RGS6: variants seen among roughly 807,000 people sequenced by gnomAD.
The protein encoded by RGS6 is regulator of G-protein signaling 6.
A neutral mutation model predicts 78.5 loss-of-function variants in RGS6; 30 were observed. The ratio of observed to expected loss-of-function variants is 0.38; its 90% confidence interval spans 0.29 to 0.52. The LOEUF (loss-of-function observed/expected upper bound fraction) is 0.52. RGS6 is among the 20% of genes least tolerant of loss of function. The pLI is 0.85. For synonymous variants in RGS6, 206 were observed against 206.0 expected (o/e 1.00, Z 0.00); for missense variants, 495 against 609.7 (o/e 0.81, Z 1.98).
intron 2 of RGS6, among the ~76,000 whole-genome samples, chr14:72,200,961 T>TAG (rs1491235439): frequency 1.6e-5 from 2 of 121,632 alleles, no homozygotes; most frequent in South Asian, 2.9e-4. Flanking sequence ...GTGCTCTGCT[T>TAG]AAAAAAAAAA....
rs1432388694 is a variant in RGS6, at chr14:72,274,946, G to T, written c.85-77149G>T. 3.3e-5 allele frequency among the ~76,000 whole-genome samples: 5 copies of T among 152,192 alleles called. No homozygotes were observed. The East Asian group carries it at 7.7e-4, about 23-fold the overall frequency. On this transcript the variant is annotated intron_variant, in intron 2 of 17. Coordinates refer to ENST00000553525, the MANE Select transcript of RGS6 (RefSeq NM_001204424.2). Reference sequence around the variant, plus strand: ...CAGTTTATCTTATTCCTTTACTCATGATCAACTACTTTGGGGTTAACGAAC... The same window carrying T: ...CAGTTTATCTTATTCCTTTACTCATTATCAACTACTTTGGGGTTAACGAAC...
At chr14:72,612,582 G>C in the RGS6 span, 21 of 456,566 alleles carry the variant, frequency 4.6e-5, no homozygotes, top group Non-Finnish European at 8.3e-5. Flanking sequence ...AGGGAAGGGA[G>C]GAAACAGTGC....
At chr14:72,607,492 C>G in the RGS6 span, among the ~76,000 whole-genome samples, 2 of 152,218 alleles carry the variant, frequency 1.3e-5, no homozygotes, top group African/African-American at 4.8e-5. Flanking sequence ...CCCAAAGTCC[C>G]TGCTTCTAAT....
chr14:72,238,192 G>C (rs368406011), intron 2 of RGS6, among the ~76,000 whole-genome samples: 2 of 152,176 alleles, frequency 1.3e-5, no homozygotes, highest in African/African-American at 4.8e-5. Flanking sequence ...TTATAGTTTC[G>C]GACACTCAGT....
Position 72,009,432 on chromosome 14 carries a change from A to G in RGS6, c.84+44557A>G, listed in dbSNP as rs556961135. On this transcript the variant is annotated intron_variant, in intron 2 of 17. Coordinates refer to ENST00000553525, the MANE Select transcript of RGS6 (RefSeq NM_001204424.2). The stretch of plus-strand genomic sequence containing the variant: ...TGGTAGACAGCATTTTCCACTTGTC[A>G]CAATACGATGCTGGAGGAATTAAGC... Among the ~76,000 whole-genome samples, 130 of 152,344 alleles carry G rather than the reference A, an allele frequency of 8.5e-4. 1 individual carries two copies. Among genetic ancestry groups the G allele is most frequent in the African/African-American group, 3.0e-3 (124 of 41,588 alleles).
chr14:72,388,275 T>A (rs1272982220), intron 3 of RGS6, among the ~76,000 whole-genome samples: 1 of 152,188 alleles, frequency 6.6e-6, no homozygotes, highest in Non-Finnish European at 1.5e-5. Context: ...TATACACATA[T>A]ATATACACAT....
intron 2 of RGS6, among the ~76,000 whole-genome samples, chr14:72,260,714 T>C (rs1278578242): frequency 6.6e-6 from 1 of 152,140 alleles, no homozygotes; most frequent in African/African-American, 2.4e-5. Flanking sequence ...CCTGCGGAGC[T>C]CTCTCCAGGC....
intron 17 of RGS6, chr14:72,540,943 C>A (rs2097317379): frequency 1.0e-6 from 1 of 985,298 alleles, no homozygotes; most frequent in Non-Finnish European, 1.2e-6. Flanking sequence ...GGGTGCATGG[C>A]TGAGACTCTC....
At chr14:72,319,593 A>T (rs1410693384) in intron 2 of RGS6, among the ~76,000 whole-genome samples, 1 of 152,002 alleles carries the variant, frequency 6.6e-6, no homozygotes, top group African/African-American at 2.4e-5. Context: ...TGCCTGCCTC[A>T]GCCTCCCAAA....
intron 2 of RGS6, among the ~76,000 whole-genome samples, chr14:72,216,606 A>G (rs1026264506): frequency 2.0e-5 from 3 of 152,228 alleles, no homozygotes; most frequent in African/African-American, 7.2e-5. Flanking sequence ...ATCTAATTGC[A>G]GGTCTTACAA....
intron 3 of RGS6, among the ~76,000 whole-genome samples, chr14:72,366,782 C>T (rs1225842404): frequency 2.6e-5 from 4 of 152,166 alleles, no homozygotes; most frequent in African/African-American, 7.2e-5. Context: ...GCTCTATCCA[C>T]GCCCCACCTG....
intron 3 of RGS6, among the ~76,000 whole-genome samples, chr14:72,425,687 G>T (rs148782065): frequency 6.6e-5 from 10 of 152,246 alleles, no homozygotes; most frequent in Non-Finnish European, 1.3e-4. Flanking sequence ...GCACATGTAC[G>T]TACTTTCAAA....
intron 2 of RGS6, among the ~76,000 whole-genome samples, chr14:71,983,340 C>G (rs760507141): frequency 1.7e-4 from 26 of 152,192 alleles, no homozygotes; most frequent in Non-Finnish European, 2.5e-4. Flanking sequence ...CTCCAGAGAC[C>G]TTTTTGGTTT....
At chr14:72,510,693 A>G (rs4617785) in intron 14 of RGS6, among the ~76,000 whole-genome samples, 26,278 of 152,130 alleles carry the variant, frequency 0.17, 2,496 homozygotes, top group African/African-American at 0.26. Context: ...GAAGAGGGAG[A>G]AGTCAGTGGG....
At chr14:72,051,423 A>G (rs1363753231) in intron 2 of RGS6, among the ~76,000 whole-genome samples, 1 of 152,186 alleles carries the variant, frequency 6.6e-6, no homozygotes, top group Non-Finnish European at 1.5e-5. Flanking sequence ...ATTAGCGCCG[A>G]AATTGGTAAA....
chr14:71,887,155 T>G, the RGS6 span, among the ~76,000 whole-genome samples: 4 of 152,214 alleles, frequency 2.6e-5, no homozygotes, highest in Non-Finnish European at 5.9e-5. Flanking sequence ...AGTTCCCAAG[T>G]AATACTTTTA....
intron 3 of RGS6, among the ~76,000 whole-genome samples, chr14:72,372,607 A>G (rs1019770872): frequency 6.6e-6 from 1 of 152,234 alleles, no homozygotes; most frequent in Non-Finnish European, 1.5e-5. Flanking sequence ...GGTTGGGTGT[A>G]GGGTAGGTTG....
intron 17 of RGS6, chr14:72,541,197 TGAG>T: frequency 4.3e-6 from 6 of 1,397,522 alleles, no homozygotes; most frequent in Admixed American, 2.0e-5. Context: ...CCACCTCTGT[TGAG>T]GAGGAAAATC....
At chr14:72,233,398 G>A (rs2050171574) in intron 2 of RGS6, among the ~76,000 whole-genome samples, 6 of 152,128 alleles carry the variant, frequency 3.9e-5, no homozygotes, top group Admixed American at 2.0e-4. Flanking sequence ...TACCTCCATC[G>A]GGACACAGTG....
Sources: allele counts gnomAD v4.1 joint callset (sites outside exome capture counted in the v4.1 genomes callset), GRCh38; gene constraint gnomAD v4.1.1; transcripts MANE v1.5; gene names NCBI Gene and HGNC (gene_info 2026-07-23, HGNC 2026-07-21).